The following GRHL2 variants were observed in gnomAD, a reference collection of about 807,000 sequenced individuals.
The protein encoded by GRHL2 is grainyhead like transcription factor 2.
A neutral mutation model predicts 83.8 loss-of-function variants in GRHL2; 21 were observed. The ratio of observed to expected loss-of-function variants is 0.25; its 90% CI spans 0.18 to 0.36. The LOEUF (loss-of-function observed/expected upper bound fraction) is 0.36, where lower values mean the gene tolerates loss of function less well. Ranked by LOEUF, GRHL2 falls within the 10% of genes least tolerant of loss-of-function variation. The pLI is 1.00. For synonymous variants in GRHL2, 280 were observed against 278.9 expected, an observed-to-expected ratio of 1.00 and a Z score of -0.04; for missense variants, 623 against 781.8, an observed-to-expected ratio of 0.80 and a Z score of 2.42.
At chr8:101,577,594 G>A (rs1026953372) in intron 7 of GRHL2, 75 bp downstream of exon 7, 60 of 970,236 alleles carry the variant, frequency 6.2e-5, no homozygotes, top group East Asian at 4.9e-4. Context: ...GGAGCCTGGC[G>A]TAGTAATCAC....
chr8:101,523,388 A>G lies in GRHL2; in HGVS notation c.21-19853A>G, dbSNP rs981145186. Among the ~76,000 whole-genome samples the G allele has an allele frequency of 6.6e-5, 10 of 152,082 alleles. 1 individual carries two copies. Among genetic ancestry groups the G allele is most frequent in the African/African-American group, 9.7e-5 (4 of 41,414 alleles). On this transcript the variant is annotated intron_variant, in intron 1 of 15. Transcript: ENST00000646743. ...AAGGAAATCAAGAATGTTGGATGCT[A>G]TGGAGAGAAAACACCCAAAATTATT...
intron 11 of GRHL2, among the ~76,000 whole-genome samples, chr8:101,632,640 A>G (rs146592050): frequency 2.2e-3 from 335 of 152,366 alleles, no homozygotes; most frequent in African/African-American, 7.7e-3. Flanking sequence ...ACCTGTAAGA[A>G]GTTTTGTTCT....
intron 9 of GRHL2, among the ~76,000 whole-genome samples, chr8:101,623,408 C>G (rs540666244): frequency 6.6e-6 from 1 of 151,540 alleles, no homozygotes; most frequent in South Asian, 2.1e-4. Flanking sequence ...GGACAGTACA[C>G]AGTAGAACAG....
intron 14 of GRHL2, among the ~76,000 whole-genome samples, chr8:101,653,352 G>A (rs201906586): frequency 6.6e-6 from 1 of 152,180 alleles, no homozygotes; most frequent in Admixed American, 6.5e-5. Flanking sequence ...TTAATCAAGA[G>A]ATATTATGCT....
chr8:101,586,749 T>C (rs1586121621), intron 7 of GRHL2, among the ~76,000 whole-genome samples: 2 of 152,266 alleles, frequency 1.3e-5, no homozygotes, highest in Middle Eastern at 3.4e-3. Context: ...CTGCCATGTG[T>C]GGTTTTGTGC....
At chr8:101,589,414 G>A (rs921458504) in intron 7 of GRHL2, among the ~76,000 whole-genome samples, 2 of 152,216 alleles carry the variant, frequency 1.3e-5, no homozygotes, top group Admixed American at 1.3e-4. Context: ...GTGTGTTTAT[G>A]TGTGTCTATG....
rs1009057069 is a variant in GRHL2, at chr8:101,611,350, T to G, written c.1099-8189T>G. 6.5e-4 allele frequency among the ~76,000 whole-genome samples: 98 copies of G among 150,940 alleles called. 8 individuals carry two copies. Among genetic ancestry groups the G allele is most frequent in the African/African-American group, 2.4e-3 (95 of 40,380 alleles). ...CCTCTCACAAAACTTCACTTGTGAG[T>G]TGATCTCCTTTATCCCCTGATTCTG... is the stretch of plus-strand genomic sequence containing the variant. On this transcript the variant is annotated intron_variant, in intron 8 of 15. Transcript: ENST00000646743.
chr8:101,666,152 T>C (rs1168332556), intron 15 of GRHL2, among the ~76,000 whole-genome samples: 2 of 152,234 alleles, frequency 1.3e-5, no homozygotes, highest in Non-Finnish European at 2.9e-5. Flanking sequence ...AAAGGGTAGC[T>C]GCAATTCTTG....
At chr8:101,636,840 A>G in intron 11 of GRHL2, 57 bp from the exon 12 acceptor site, 6 of 1,502,022 alleles carry the variant, frequency 4.0e-6, no homozygotes, top group African/African-American at 1.4e-5. Flanking sequence ...ACATCACGTA[A>G]TATTTTTTCC....
chr8:101,676,299 G>A, the GRHL2 span, among the ~76,000 whole-genome samples: 1 of 151,766 alleles, frequency 6.6e-6, no homozygotes, highest in East Asian at 1.9e-4. Context: ...GAAAATTTTT[G>A]CAACCTACTC....
At chr8:101,599,241 C>G (rs908618668) in intron 8 of GRHL2, 90 bp downstream of exon 8, 11 of 863,318 alleles carry the variant, frequency 1.3e-5, no homozygotes, top group African/African-American at 3.4e-5. Context: ...TCAGTAGCCT[C>G]CTATTAAAAA....
chr8:101,573,572 G>A (rs1201388473), intron 5 of GRHL2, 96 bp from the exon 6 acceptor site: 3 of 1,444,578 alleles, frequency 2.1e-6, no homozygotes, highest in African/African-American at 2.8e-5. Context: ...GTAAACATTG[G>A]TTAATGTTCA....
chr8:101,596,158 A>T (rs1330353492), intron 7 of GRHL2, among the ~76,000 whole-genome samples: 1 of 151,944 alleles, frequency 6.6e-6, no homozygotes, highest in Non-Finnish European at 1.5e-5. Context: ...AATAAATAAA[A>T]CAGAGAAAAA....
the GRHL2 span, among the ~76,000 whole-genome samples, chr8:101,680,077 A>G: frequency 3.3e-5 from 4 of 119,540 alleles, 1 homozygote; most frequent in Non-Finnish European, 6.9e-5. Flanking sequence ...ACATAACAAT[A>G]TTAACCTTAA....
intron 1 of GRHL2, among the ~76,000 whole-genome samples, chr8:101,518,933 G>T (rs1482261337): frequency 1.3e-5 from 2 of 152,144 alleles, no homozygotes; most frequent in Non-Finnish European, 2.9e-5. Flanking sequence ...AGGCACATTG[G>T]TATGAAAATC....
intron 7 of GRHL2, among the ~76,000 whole-genome samples, chr8:101,581,344 A>G (rs186848148): frequency 6.6e-6 from 1 of 152,276 alleles, no homozygotes. Flanking sequence ...AACCAAACAA[A>G]CCCAGGCCCA....
At chr8:101,570,089 C>T (rs1317637553) in intron 4 of GRHL2, among the ~76,000 whole-genome samples, 1 of 152,180 alleles carries the variant, frequency 6.6e-6, no homozygotes, top group Non-Finnish European at 1.5e-5. Context: ...GTACCTCAAA[C>T]TCTGTAGGAA....
At chr8:101,643,206 T>A (rs183775797) in intron 12 of GRHL2, among the ~76,000 whole-genome samples, 17 of 152,092 alleles carry the variant, frequency 1.1e-4, no homozygotes, top group Non-Finnish European at 1.5e-5. Flanking sequence ...TGGGATTGTG[T>A]CTTTCGGGAT....
intron 1 of GRHL2, among the ~76,000 whole-genome samples, chr8:101,493,852 C>A (rs953371721): frequency 3.3e-5 from 5 of 151,922 alleles, no homozygotes; most frequent in African/African-American, 1.2e-4. Context: ...CCGGTCCGGC[C>A]GCGTCCTGAC....
Sources: gnomAD v4.1 joint callset for allele counts (sites outside exome capture counted in the v4.1 genomes callset) on GRCh38, gnomAD v4.1.1 for gene constraint, MANE v1.5 for transcripts, NCBI Gene and HGNC (gene_info 2026-07-23, HGNC 2026-07-21) for gene names.